PALMD: variants seen among roughly 807,000 people sequenced by gnomAD.
PALMD encodes the protein paralemmin-like protein.
Under a neutral mutation model 56.2 loss-of-function variants are expected in PALMD, and 42 were observed. The ratio of observed to expected loss-of-function variants is 0.75; its 90% CI spans 0.58 to 0.97. The LOEUF (loss-of-function observed/expected upper bound fraction) is 0.97. Among genes scored for constraint, PALMD ranks in the 50% least tolerant of loss-of-function variants. PALMD has a pLI of 0.00. For missense variants in PALMD, 660 were observed against 643.8 expected, an observed-to-expected ratio of 1.03 and a Z score of -0.27; for synonymous variants, 242 against 222.9, an observed-to-expected ratio of 1.09 and a Z score of -0.76.
At chr1:99,654,110 T>C (rs1380237629) in intron 1 of PALMD, among the ~76,000 whole-genome samples, 24 of 151,894 alleles carry the variant, frequency 1.6e-4, no homozygotes, top group Non-Finnish European at 1.5e-5. Flanking sequence ...TCATAGAAAA[T>C]CAGGTTCAAC....
At chr1:99,674,592 A>G (rs1200732088) in intron 3 of PALMD, among the ~76,000 whole-genome samples, 1 of 151,624 alleles carries the variant, frequency 6.6e-6, no homozygotes, top group Non-Finnish European at 1.5e-5. Context: ...AGAAGATTCC[A>G]TATAAACTCC....
intron 3 of PALMD, among the ~76,000 whole-genome samples, chr1:99,683,082 GAGAGAGAGAAAGAA>G (rs1319700718): frequency 4.6e-3 from 91 of 19,884 alleles, no homozygotes; most frequent in South Asian, 5.5e-3. Flanking sequence ...GAGAGAGAGA[GAGAGAGAGAAAGAA>G]AGAAAGAAAG....
chr1:99,690,225 T>C (rs996786239), intron 7 of PALMD: 10 of 347,894 alleles, frequency 2.9e-5, no homozygotes, highest in Non-Finnish European at 4.6e-5. Flanking sequence ...TGATGACTAC[T>C]TTATTTGTGC....
At chr1:99,677,568 G>C (rs967859166) in intron 3 of PALMD, among the ~76,000 whole-genome samples, 1 of 152,128 alleles carries the variant, frequency 6.6e-6, no homozygotes, top group East Asian at 1.9e-4. Flanking sequence ...TCCACTTCAG[G>C]AAGGGAAGAT....
intron 1 of PALMD, among the ~76,000 whole-genome samples, chr1:99,653,339 G>A (rs561427192): frequency 6.6e-6 from 1 of 152,180 alleles, no homozygotes; most frequent in African/African-American, 2.4e-5. Context: ...TCTGTTTTGT[G>A]TTTGTTGTTT....
chr1:99,667,896 T>TA (rs1653003502), intron 3 of PALMD, 130 bp downstream of exon 3: 2 of 816,416 alleles, frequency 2.4e-6, no homozygotes, highest in East Asian at 2.7e-5. Context: ...TTTTTTTTTT[T>TA]AAGGCACGCT....
intron 3 of PALMD, chr1:99,668,415 T>C (rs1418745356): frequency 1.3e-5 from 2 of 152,288 alleles, no homozygotes; most frequent in African/African-American, 2.4e-5. Context: ...AAAAAATACA[T>C]GCACTAAACT....
intron 1 of PALMD, among the ~76,000 whole-genome samples, chr1:99,655,505 G>A (rs1386081577): frequency 2.0e-5 from 3 of 151,820 alleles, no homozygotes; most frequent in African/African-American, 7.3e-5. Context: ...AACTTTGCTA[G>A]GGATTAATCC....
chr1:99,666,863 A>G (rs948413329), intron 2 of PALMD, among the ~76,000 whole-genome samples: 1 of 152,162 alleles, frequency 6.6e-6, no homozygotes, highest in East Asian at 1.9e-4. Context: ...CTCCAGGTCC[A>G]GGCGTTTAAT....
chr1:99,665,580 A>C (rs1652943800), intron 2 of PALMD, among the ~76,000 whole-genome samples: 1 of 152,158 alleles, frequency 6.6e-6, no homozygotes, highest in Non-Finnish European at 1.5e-5. Flanking sequence ...ATATAGCCCC[A>C]AGTTAACCTA....
At chr1:99,654,428 C>T (rs1158656411) in intron 1 of PALMD, among the ~76,000 whole-genome samples, 1 of 152,042 alleles carries the variant, frequency 6.6e-6, no homozygotes, top group African/African-American at 2.4e-5. Context: ...TTTATACCTA[C>T]TAAGGAAATG....
At chr1:99,647,836 T>C (rs546367543) in intron 1 of PALMD, among the ~76,000 whole-genome samples, 2 of 152,212 alleles carry the variant, frequency 1.3e-5, no homozygotes, top group East Asian at 1.9e-4. Flanking sequence ...CCTCTTTCAG[T>C]TGGGGGACAC....
chr1:99,650,285 G>GA lies in PALMD; in HGVS notation c.45+3957dup, dbSNP rs200081370. ...TTTGCCGGCCAAAGCTGCTCATAAT[G>GA]AAAAAAAAAAAAAAAAAAAAAAAAA... On this transcript the variant is annotated intron_variant, in intron 1 of 7. Coordinates refer to ENST00000263174, the MANE Select transcript of PALMD (RefSeq NM_017734.5). Among the ~76,000 whole-genome samples the GA allele has an allele frequency of 5.7e-3, 663 of 116,780 alleles. 35 individuals are homozygous for GA. Among genetic ancestry groups the GA allele is most frequent in the African/African-American group, 0.01 (276 of 27,222 alleles). 76.6% of individuals were successfully genotyped at this position (116,780 alleles called of 152,430 possible).
intron 4 of PALMD, 60 bp downstream of exon 4, chr1:99,686,850 T>C (rs1014772540): frequency 6.6e-5 from 90 of 1,354,074 alleles, no homozygotes; most frequent in Non-Finnish European, 8.4e-5. Context: ...ACAAATACTA[T>C]ATAATTTTTC....
chr1:99,686,427 A>G (rs12121695), intron 3 of PALMD: 3,189 of 259,560 alleles, frequency 0.012, 21 homozygotes, highest in Non-Finnish European at 0.017. Flanking sequence ...CAAAGGTCAA[A>G]TGCTTTACCT....
At chr1:99,683,088 GAGAAAGAAAGAA>G (rs1217087610) in intron 3 of PALMD, among the ~76,000 whole-genome samples, 1,498 of 26,980 alleles carry the variant, frequency 0.056, 41 homozygotes, top group Middle Eastern at 0.074. Context: ...GAGAGAGAGA[GAGAAAGAAAGAA>G]AGAAAGAAAG....
intron 1 of PALMD, among the ~76,000 whole-genome samples, chr1:99,657,938 CCT>C (rs1652762145): frequency 6.6e-6 from 1 of 152,196 alleles, no homozygotes; most frequent in Non-Finnish European, 1.5e-5. Context: ...ACAACCTCTC[CCT>C]GTCTCCCCTC....
Position 99,689,255 on chromosome 1 carries a change from T to C in PALMD, c.995T>C (p.Val332Ala). 6.2e-7 allele frequency: 1 copy of C among 1,613,338 alleles called. No homozygotes were observed. Among genetic ancestry groups the C allele is most frequent in the Non-Finnish European group, 8.5e-7 (1 of 1,179,784 alleles). Residue 332 changes from valine to alanine, a missense_variant, in exon 7 of 8, where the codon GTG (valine) becomes GCG (alanine). Transcript: ENST00000263174. ...CCGCCAGTGCCTCATCCCCGATCAG[T>C]GATTCAACAAGCAGAAGAGAAGCTT... ...PIPPVPHPRS[V>A]IQQAEEKLHT...
intron 3 of PALMD, among the ~76,000 whole-genome samples, chr1:99,683,086 GAGAGAAAGAAAGAAAGAA>G (rs1487412806): frequency 0.023 from 371 of 16,390 alleles, 2 homozygotes; most frequent in Admixed American, 0.03. Flanking sequence ...GAGAGAGAGA[GAGAGAAAGAAAGAAAGAA>G]AGAAAGAAAG....
Sources: gnomAD v4.1 joint callset for allele counts (sites outside exome capture counted in the v4.1 genomes callset) on GRCh38, gnomAD v4.1.1 for gene constraint, MANE v1.5 for transcripts, NCBI Gene and HGNC (gene_info 2026-07-23, HGNC 2026-07-21) for gene names.